The following POLN variants were observed in gnomAD, a reference collection of about 807,000 sequenced individuals.
The protein encoded by POLN is DNA polymerase nu, also known as DNA polymerase N.
In POLN, 108 loss-of-function variants were observed where a neutral mutation model predicts 113.5. The observed-to-expected ratio is 0.95, with a 90% CI of 0.81 to 1.12. The LOEUF is 1.12. Ranked by LOEUF, POLN falls within the 50% of genes most tolerant of loss-of-function variation. The pLI is 0.00. For missense variants in POLN, 1,097 were observed against 1,077.1 expected (o/e 1.02, Z -0.26); for synonymous variants, 386 against 391.5 (o/e 0.99, Z 0.17).
At position 2,115,872 on chromosome 4, in the gene POLN, A is replaced by G. The variant is rs530791072; in HGVS notation, c.1982+12241T>C. ...GAATTTTCCCTTCTGTGGGGTCCGG[A>G]GTCTAAGAACTGCACAATTTCAGGA... On this transcript the variant is annotated intron_variant, in intron 19 of 25. Coordinates refer to ENST00000511885, the MANE Select transcript of POLN (RefSeq NM_181808.4). 2.0e-5 allele frequency among the ~76,000 whole-genome samples: 3 copies of G among 152,272 alleles called. No individual in the cohort carries two copies. In the East Asian group the frequency reaches 5.8e-4, roughly 29 times the overall value.
At chr4:2,231,965 T>C (rs745922948) in intron 2 of POLN, 8 of 1,452,026 alleles carry the variant, frequency 5.5e-6, no homozygotes, top group South Asian at 1.2e-5. Context: ...TTTGATTGAG[T>C]TTCTAAATTC....
chr4:2,096,999 C>G (rs1215308338), intron 19 of POLN, among the ~76,000 whole-genome samples: 1 of 152,198 alleles, frequency 6.6e-6, no homozygotes, highest in Non-Finnish European at 1.5e-5. Context: ...CCCTAATTTC[C>G]AAAAGCATCT....
Position 2,238,158 on chromosome 4 carries a change from T to G in POLN, c.-13+3362A>C, listed in dbSNP as rs1370874305. 9.9e-5 allele frequency among the ~76,000 whole-genome samples: 15 copies of G among 152,284 alleles called. No homozygotes were observed. In the East Asian group the frequency reaches 2.9e-3, roughly 29 times the overall value. On this transcript the variant is annotated intron_variant, in intron 2 of 25. Transcript: ENST00000511885. The stretch of plus-strand genomic sequence containing the variant: ...ATTGCTCAGACATCCAGATGAAGCC[T>G]GGGAGCTGGCATTCATTCTCAATGA...
At chr4:2,109,162 A>T (rs1731136240) in intron 19 of POLN, among the ~76,000 whole-genome samples, 1 of 152,240 alleles carries the variant, frequency 6.6e-6, no homozygotes, top group Admixed American at 6.5e-5. Flanking sequence ...AAGCAATATC[A>T]TTTAGGAGGA....
Position 2,157,943 on chromosome 4 carries a change from T to C in POLN, c.1612-32A>G, listed in dbSNP as rs750900509. On this transcript the variant is annotated intron_variant, in intron 14 of 25. Coordinates refer to ENST00000511885, the MANE Select transcript of POLN (RefSeq NM_181808.4). ...TGGAAAGACAAGAATAATCATTTTC[T>C]TTAAGTCTTAAGTCTTTTTTTGTGG... 9.6e-6 allele frequency: 15 copies of C among 1,559,316 alleles called. No individual in the cohort carries two copies. In the Admixed American group the frequency reaches 2.2e-4, roughly 23 times the overall value.
At chr4:2,146,204 G>T (rs1732133992) in intron 16 of POLN, among the ~76,000 whole-genome samples, 1 of 152,102 alleles carries the variant, frequency 6.6e-6, no homozygotes, top group African/African-American at 2.4e-5. Context: ...ATTAACAGGG[G>T]CTTTAAATGT....
chr4:2,239,188 C>T (rs757847654), intron 2 of POLN: 14 of 514,256 alleles, frequency 2.7e-5, no homozygotes, highest in African/African-American at 2.3e-4. Flanking sequence ...ACAAAAATTA[C>T]AGTTTAAAAG....
At chr4:2,162,585 T>C (rs985528205) in intron 13 of POLN, among the ~76,000 whole-genome samples, 1 of 152,018 alleles carries the variant, frequency 6.6e-6, no homozygotes, top group Non-Finnish European at 1.5e-5. Context: ...ACCTCCAGAG[T>C]AGCTGGGACT....
Position 2,188,612 on chromosome 4 carries a change from A to AC in POLN, c.1021+4591_1021+4592insG, listed in dbSNP as rs1211531288. On this transcript the variant is annotated intron_variant, in intron 7 of 25. Transcript: ENST00000511885. ...GGAGACTCCATCTCAAAAAAAACAAAAAACAAAAAAACAAAACAAAACAAA... is the reference window on the plus strand; with the variant it reads ...GGAGACTCCATCTCAAAAAAAACAAACAAACAAAAAAACAAAACAAAACAAA... Among the ~76,000 whole-genome samples, 9 of 91,500 alleles carry AC rather than the reference A, an allele frequency of 9.8e-5. No homozygotes were observed. The East Asian group carries it at 1.5e-3, about 15-fold the overall frequency. 60.0% of individuals were successfully genotyped at this position (91,500 alleles called of 152,430 possible).
At chr4:2,096,362 C>T (rs1730790173) in intron 19 of POLN, among the ~76,000 whole-genome samples, 1 of 152,172 alleles carries the variant, frequency 6.6e-6, no homozygotes, top group South Asian at 2.1e-4. Context: ...CTGTCCTGGC[C>T]TCCCACAGAC....
chr4:2,197,427 C>T (rs1733607524), intron 6 of POLN, among the ~76,000 whole-genome samples: 2 of 152,132 alleles, frequency 1.3e-5, no homozygotes, highest in African/African-American at 4.8e-5. Flanking sequence ...AGAGATAACC[C>T]CAGGACTTTT....
At chr4:2,227,371 C>T (rs1734424736) in intron 3 of POLN, 1 of 152,174 alleles carries the variant, frequency 6.6e-6, no homozygotes, top group South Asian at 2.1e-4. Flanking sequence ...GGAGAGACAC[C>T]AGACCTGGCT....
At chr4:2,128,678 G>GC (rs398106921) in intron 18 of POLN, among the ~76,000 whole-genome samples, 1 of 151,832 alleles carries the variant, frequency 6.6e-6, no homozygotes, top group Non-Finnish European at 1.5e-5. Context: ...CGGGGGCAGG[G>GC]CCAAAGGTAT....
intron 20 of POLN, among the ~76,000 whole-genome samples, chr4:2,095,615 G>C (rs1422396595): frequency 1.3e-5 from 2 of 152,214 alleles, no homozygotes; most frequent in Non-Finnish European, 2.9e-5. Context: ...CCAACGGCTT[G>C]GTCACACTTG....
At chr4:2,106,488 T>C (rs529832555) in intron 19 of POLN, among the ~76,000 whole-genome samples, 1 of 152,224 alleles carries the variant, frequency 6.6e-6, no homozygotes, top group Non-Finnish European at 1.5e-5. Context: ...GGAATAATGC[T>C]AAAATTGGCA....
chr4:2,159,400 T>C (rs1732521598), intron 13 of POLN, among the ~76,000 whole-genome samples, 189 bp from the exon 14 acceptor site: 1 of 152,216 alleles, frequency 6.6e-6, no homozygotes. Flanking sequence ...TTCTGATGTC[T>C]ACATGGGCAC....
chr4:2,164,501 CAAAAA>C (rs35463696), intron 13 of POLN, among the ~76,000 whole-genome samples: 1 of 81,828 alleles, frequency 1.2e-5, no homozygotes. Context: ...AACTCTGTCT[CAAAAA>C]AAAAAAAAAA....
chr4:2,118,445 T>C (rs1731368608), intron 19 of POLN, among the ~76,000 whole-genome samples: 1 of 152,202 alleles, frequency 6.6e-6, no homozygotes, highest in Non-Finnish European at 1.5e-5. Context: ...CTTTTCTGAG[T>C]TTGTCTCTTA....
chr4:2,079,537 G>C (rs1487182475), intron 23 of POLN: 1 of 985,568 alleles, frequency 1.0e-6, no homozygotes, highest in African/African-American at 1.7e-5. Flanking sequence ...TGTGTGTTGG[G>C]AATGAATGCA....
Sources: allele counts gnomAD v4.1 joint callset (sites outside exome capture counted in the v4.1 genomes callset), GRCh38; gene constraint gnomAD v4.1.1; transcripts MANE v1.5; gene names NCBI Gene and HGNC (gene_info 2026-07-23, HGNC 2026-07-21).